Variants in SIPA1L1 observed in about 807,000 individuals in gnomAD.
The protein encoded by SIPA1L1 is signal induced proliferation associated 1 like 1, also known as signal-induced proliferation-associated 1-like protein 1.
In SIPA1L1, 26 loss-of-function variants were observed where a neutral mutation model predicts 162.7. That is an observed-to-expected ratio of 0.16 (90% confidence interval 0.12 to 0.22). The LOEUF is 0.22. SIPA1L1 is among the 10% of genes least tolerant of loss of function. The pLI is 1.00. For missense variants in SIPA1L1, 1,874 were observed against 2,241.0 expected (o/e 0.84, Z 3.31); for synonymous variants, 829 against 837.4 (o/e 0.99, Z 0.17).
intron 2 of SIPA1L1, among the ~76,000 whole-genome samples, chr14:71,472,368 A>AT: frequency 6.6e-6 from 1 of 152,124 alleles, no homozygotes; most frequent in South Asian, 2.1e-4. Flanking sequence ...AAAAAAAAAA[A>AT]ATCCAAAAAA....
chr14:71,529,690 C>T (rs138817191), intron 4 of SIPA1L1, among the ~76,000 whole-genome samples: 209 of 152,328 alleles, frequency 1.4e-3, no homozygotes, highest in Non-Finnish European at 2.5e-3. Context: ...GAAGAACTGA[C>T]TGCAGCTCGC....
chr14:71,385,972 C>T (rs917632047), intron 2 of SIPA1L1, among the ~76,000 whole-genome samples: 2 of 152,214 alleles, frequency 1.3e-5, no homozygotes, highest in Non-Finnish European at 2.9e-5. Context: ...AAGCGTGTGC[C>T]ATCGCACCTG....
intron 13 of SIPA1L1, among the ~76,000 whole-genome samples, chr14:71,691,069 T>A (rs919295907): frequency 2.0e-5 from 3 of 152,204 alleles, no homozygotes; most frequent in African/African-American, 7.2e-5. Context: ...CTCAGCACTA[T>A]CATCCCATCT....
chr14:71,661,687 C>T (rs750419566), intron 10 of SIPA1L1, among the ~76,000 whole-genome samples: 3 of 152,302 alleles, frequency 2.0e-5, no homozygotes, highest in African/African-American at 4.8e-5. Context: ...TTTCCATTTG[C>T]ACCTCCTTCT....
intron 2 of SIPA1L1, among the ~76,000 whole-genome samples, chr14:71,405,785 C>T (rs566875637): frequency 2.6e-5 from 4 of 152,318 alleles, no homozygotes; most frequent in African/African-American, 9.6e-5. Context: ...CTGACCCTGG[C>T]ATCTCATGTC....
At chr14:71,396,006 C>T (rs1209283075) in intron 2 of SIPA1L1, among the ~76,000 whole-genome samples, 1 of 152,134 alleles carries the variant, frequency 6.6e-6, no homozygotes, top group East Asian at 1.9e-4. Context: ...CTTTTACACT[C>T]CACTGTGATG....
chr14:71,405,134 A>T (rs1457078032), intron 2 of SIPA1L1, among the ~76,000 whole-genome samples: 3 of 152,240 alleles, frequency 2.0e-5, no homozygotes, highest in African/African-American at 7.2e-5. Context: ...GCACAAATGA[A>T]TGAGTGAGCA....
Position 71,700,994 on chromosome 14 carries a change from C to CAAAAAAAAA in SIPA1L1, c.3522-1355_3522-1347dup, listed in dbSNP as rs539293669. Among the ~76,000 whole-genome samples the CAAAAAAAAA allele has an allele frequency of 4.8e-4, 25 of 51,750 alleles. 1 individual carries two copies. The highest frequency in any genetic ancestry group is 6.7e-4 in the Non-Finnish European group (20 of 29,726). The allele number at this position is 51,750 out of a possible 152,430, so 34.0% of individuals were successfully genotyped here. ...TAGGGGACAGAGCAAGACTCCGTCT[C>CAAAAAAAAA]AAAAAAAAAAAAAAAAAAAAAAAAA... On this transcript the variant is annotated intron_variant, in intron 14 of 23. Coordinates refer to ENST00000381232, the MANE Select transcript of SIPA1L1 (RefSeq NM_001386936.1).
At chr14:71,723,065 C>T (rs538898907) in intron 17 of SIPA1L1, among the ~76,000 whole-genome samples, 1 of 152,320 alleles carries the variant, frequency 6.6e-6, no homozygotes, top group East Asian at 1.9e-4. Flanking sequence ...CCAATGTTGC[C>T]CTAGTTTTGT....
chr14:71,331,272 C>T (rs1015492280), intron 2 of SIPA1L1, among the ~76,000 whole-genome samples: 48 of 152,094 alleles, frequency 3.2e-4, no homozygotes, highest in African/African-American at 1.1e-3. Flanking sequence ...TGTTTTTATG[C>T]CATTATCACA....
At chr14:71,685,296 A>G (rs545078481) in intron 12 of SIPA1L1, 66 bp from the exon 13 acceptor site, 368 of 1,538,536 alleles carry the variant, frequency 2.4e-4, no homozygotes, top group African/African-American at 5.2e-4. Flanking sequence ...ATGAGAATCA[A>G]TGTGGTTCCA....
chr14:71,419,538 C>T (rs1310376009), intron 2 of SIPA1L1, among the ~76,000 whole-genome samples: 19 of 143,558 alleles, frequency 1.3e-4, no homozygotes, highest in African/African-American at 2.6e-4. Context: ...TCGCCCAGGC[C>T]GGACTGCGGA....
chr14:71,478,073 T>TAGTG (rs1268454941), intron 2 of SIPA1L1, among the ~76,000 whole-genome samples: 2 of 152,234 alleles, frequency 1.3e-5, no homozygotes, highest in African/African-American at 2.4e-5. Flanking sequence ...GATGGATGTG[T>TAGTG]AGTGGTGTCT....
At chr14:71,677,819 TTCTGTTGG>T in intron 12 of SIPA1L1, among the ~76,000 whole-genome samples, 1 of 152,356 alleles carries the variant, frequency 6.6e-6, no homozygotes, top group Non-Finnish European at 1.5e-5. Flanking sequence ...CTCTGTTCTG[TTCTGTTGG>T]TCTATACCTC....
intron 2 of SIPA1L1, among the ~76,000 whole-genome samples, chr14:71,365,021 A>G (rs2038155613): frequency 6.6e-6 from 1 of 151,698 alleles, no homozygotes; most frequent in Admixed American, 6.6e-5. Context: ...TGCTGGGATT[A>G]CAGGCATGAG....
chr14:71,724,221 T>C (rs931015278), intron 18 of SIPA1L1, among the ~76,000 whole-genome samples: 3 of 152,224 alleles, frequency 2.0e-5, no homozygotes, highest in Non-Finnish European at 2.9e-5. Flanking sequence ...CCTTCCTGTG[T>C]AATTCTTAAC....
intron 7 of SIPA1L1, among the ~76,000 whole-genome samples, chr14:71,624,558 A>G (rs2148609071): frequency 6.6e-6 from 1 of 152,344 alleles, no homozygotes; most frequent in Middle Eastern, 3.4e-3. Flanking sequence ...TGTTGTGTTA[A>G]TGACAATACA....
chr14:71,645,021 T>G (rs549694167), intron 7 of SIPA1L1, among the ~76,000 whole-genome samples: 1 of 152,348 alleles, frequency 6.6e-6, no homozygotes, highest in Non-Finnish European at 1.5e-5. Context: ...GTCACTGGGC[T>G]AAAATCAAAC....
chr14:71,527,627 A>AT (rs112758073), intron 3 of SIPA1L1, among the ~76,000 whole-genome samples: 155 of 151,060 alleles, frequency 1.0e-3, no homozygotes, highest in African/African-American at 3.4e-3. Flanking sequence ...ATGCTTAAAA[A>AT]TTTTTTTTTT....
Sources: gnomAD v4.1 joint callset for allele counts (sites outside exome capture counted in the v4.1 genomes callset) on GRCh38, gnomAD v4.1.1 for gene constraint, MANE v1.5 for transcripts, NCBI Gene and HGNC (gene_info 2026-07-23, HGNC 2026-07-21) for gene names.